The following ZMYM4 variants were observed in gnomAD, a reference collection of about 807,000 sequenced individuals.
ZMYM4 encodes the protein zinc finger MYM-type protein 4.
ZMYM4 carries 31 observed loss-of-function variants against 183.2 expected under a neutral mutation model. That is an observed-to-expected ratio of 0.17 (90% confidence interval 0.13 to 0.23). The LOEUF (loss-of-function observed/expected upper bound fraction) is 0.23, where lower values mean the gene tolerates loss of function less well. Ranked by LOEUF, ZMYM4 falls within the 10% of genes least tolerant of loss-of-function variation. The pLI is 1.00. For synonymous variants in ZMYM4, 592 were observed against 631.2 expected, an observed-to-expected ratio of 0.94 and a Z score of 0.93; for missense variants, 1,273 against 1,840.3, an observed-to-expected ratio of 0.69 and a Z score of 5.64.
chr1:35,415,800 A>G (rs1443895764), intron 28 of ZMYM4, 86 bp downstream of exon 28: 1 of 1,497,532 alleles, frequency 6.7e-7, no homozygotes, highest in African/African-American at 1.4e-5. Flanking sequence ...GTAATTATAA[A>G]TGCTAGACGT....
At chr1:35,313,537 C>T (rs1056449637) in intron 1 of ZMYM4, among the ~76,000 whole-genome samples, 14 of 151,614 alleles carry the variant, frequency 9.2e-5, no homozygotes, top group Non-Finnish European at 1.8e-4. Context: ...TACAGGCGGG[C>T]GTCACCACAC....
intron 19 of ZMYM4, chr1:35,396,995 T>C (rs1249929653): frequency 1.3e-6 from 1 of 796,912 alleles, no homozygotes; most frequent in African/African-American, 1.8e-5. Context: ...ATTTATATAA[T>C]TCTCATTTTT....
chr1:35,399,348 G>A, intron 22 of ZMYM4, 134 bp from the exon 23 acceptor site: 4 of 890,958 alleles, frequency 4.5e-6, no homozygotes, highest in Non-Finnish European at 6.7e-6. Flanking sequence ...AAGTCTATAA[G>A]TGGAATCCTT....
intron 7 of ZMYM4, among the ~76,000 whole-genome samples, chr1:35,377,369 G>A (rs1368737748): frequency 6.6e-6 from 1 of 152,230 alleles, no homozygotes; most frequent in Non-Finnish European, 1.5e-5. Context: ...GAGCTGCTAA[G>A]TATGGAAGAT....
At chr1:35,344,494 C>G (rs907702724) in intron 2 of ZMYM4, among the ~76,000 whole-genome samples, 2 of 151,728 alleles carry the variant, frequency 1.3e-5, no homozygotes, top group East Asian at 3.9e-4. Context: ...TATAGATGCC[C>G]TCTCTCAGAT....
intron 21 of ZMYM4, 126 bp from the exon 22 acceptor site, chr1:35,398,738 G>GT (rs1644851266): frequency 1.0e-6 from 1 of 958,900 alleles, no homozygotes; most frequent in Non-Finnish European, 1.5e-6. Context: ...ATTCTTGAGT[G>GT]TACCTAGGTA....
At chr1:35,390,886 G>A (rs1375836543) in intron 15 of ZMYM4, among the ~76,000 whole-genome samples, 1 of 152,100 alleles carries the variant, frequency 6.6e-6, no homozygotes, top group Admixed American at 6.5e-5. Flanking sequence ...CCATGTGCAG[G>A]CCAGATGTGA....
chr1:35,336,923 G>T (rs1040233700), intron 2 of ZMYM4, among the ~76,000 whole-genome samples: 1 of 152,146 alleles, frequency 6.6e-6, no homozygotes, highest in Admixed American at 6.5e-5. Context: ...TTCTCATGAG[G>T]TATCATGGTT....
intron 17 of ZMYM4, 56 bp from the exon 18 acceptor site, chr1:35,393,538 AT>A (rs137920415): frequency 0.068 from 97,345 of 1,435,974 alleles, 3,589 homozygotes; most frequent in African/African-American, 0.095. Flanking sequence ...AATATTTCTT[AT>A]AATTACAATG....
intron 5 of ZMYM4, among the ~76,000 whole-genome samples, chr1:35,365,781 T>G (rs1644062878): frequency 6.6e-6 from 1 of 152,210 alleles, no homozygotes; most frequent in Admixed American, 6.5e-5. Context: ...AGATATTTAC[T>G]TCTCAGAAAA....
At chr1:35,407,235 A>T (rs1251280936) in intron 25 of ZMYM4, among the ~76,000 whole-genome samples, 1 of 152,090 alleles carries the variant, frequency 6.6e-6, no homozygotes, top group East Asian at 1.9e-4. Context: ...GGAGTTTGAG[A>T]CCAGCCTGAC....
intron 1 of ZMYM4, among the ~76,000 whole-genome samples, chr1:35,281,544 G>A (rs1640158993): frequency 6.6e-6 from 1 of 151,914 alleles, no homozygotes; most frequent in South Asian, 2.1e-4. Context: ...TGATGGATAT[G>A]CTAATTTGCT....
At chr1:35,387,964 T>A (rs1467621692) in intron 13 of ZMYM4, among the ~76,000 whole-genome samples, 1 of 152,222 alleles carries the variant, frequency 6.6e-6, no homozygotes, top group Non-Finnish European at 1.5e-5. Context: ...AGTTTATACT[T>A]TTATTGTCTT....
chr1:35,413,323 T>G (rs867282974), intron 26 of ZMYM4, among the ~76,000 whole-genome samples: 43 of 152,212 alleles, frequency 2.8e-4, no homozygotes, highest in African/African-American at 9.7e-4. Flanking sequence ...GGGATTACCA[T>G]TCCTGGCTCA....
At chr1:35,358,270 G>A (rs1643873457) in intron 2 of ZMYM4, among the ~76,000 whole-genome samples, 1 of 152,076 alleles carries the variant, frequency 6.6e-6, no homozygotes, top group Non-Finnish European at 1.5e-5. Context: ...TTTGGAATGG[G>A]AGAGATTAGT....
intron 1 of ZMYM4, 77 bp downstream of exon 1, chr1:35,269,162 T>G (rs1299484579): frequency 6.6e-7 from 1 of 1,525,530 alleles, no homozygotes; most frequent in Non-Finnish European, 8.8e-7. Context: ...ATACTCAGGT[T>G]CGTGGAGGGG....
chr1:35,407,962 T>C, intron 25 of ZMYM4, 46 bp from the exon 26 acceptor site: 3 of 1,611,436 alleles, frequency 1.9e-6, no homozygotes, highest in South Asian at 2.2e-5. Context: ...AATGCTACTA[T>C]GTTTGTTAAA....
intron 2 of ZMYM4, among the ~76,000 whole-genome samples, chr1:35,334,350 A>G (rs1415946377): frequency 6.6e-6 from 1 of 152,086 alleles, no homozygotes; most frequent in Non-Finnish European, 1.5e-5. Flanking sequence ...AATACCTCAC[A>G]TTTCCACCAG....
intron 1 of ZMYM4, 59 bp downstream of exon 1, chr1:35,269,144 A>C: frequency 1.3e-6 from 2 of 1,539,292 alleles, no homozygotes; most frequent in Non-Finnish European, 1.8e-6. Context: ...CGGGGCCGGG[A>C]ATGGGCCATA....
Sources: allele counts gnomAD v4.1 joint callset (sites outside exome capture counted in the v4.1 genomes callset), GRCh38; gene constraint gnomAD v4.1.1; transcripts MANE v1.5; gene names NCBI Gene and HGNC (gene_info 2026-07-23, HGNC 2026-07-21).